Variants in TIMM23 observed in about 807,000 individuals in gnomAD.
TIMM23 encodes the protein mitochondrial import inner membrane translocase subunit Tim23.
TIMM23 carries 19 observed loss-of-function variants against 30.7 expected under a neutral mutation model. That is an observed-to-expected ratio of 0.62 (90% CI 0.43 to 0.91). The LOEUF (loss-of-function observed/expected upper bound fraction) is 0.91. TIMM23 is among the 40% of genes least tolerant of loss of function. The pLI is 0.00. For synonymous variants in TIMM23, 78 were observed against 98.5 expected (o/e 0.79, Z 1.23); for missense variants, 202 against 269.2 (o/e 0.75, Z 1.75).
At chr10:45,998,373 T>C (rs1003449167) in intron 6 of TIMM23, 14 of 985,178 alleles carry the variant, frequency 1.4e-5, no homozygotes, top group Non-Finnish European at 1.4e-5. Flanking sequence ...AAGAACTACA[T>C]AAGGATCCCA....
chr10:45,979,802 T>C (rs1422198888), intron 2 of TIMM23, among the ~76,000 whole-genome samples: 1 of 152,120 alleles, frequency 6.6e-6, no homozygotes, highest in Admixed American at 6.6e-5. Context: ...TGTTATATTT[T>C]AACATTGGGT....
chr10:45,985,271 A>G, intron 4 of TIMM23, 112 bp from the exon 5 acceptor site: 1 of 1,139,164 alleles, frequency 8.8e-7, no homozygotes, highest in Non-Finnish European at 1.3e-6. Flanking sequence ...TTTAGAATTT[A>G]AAAAACTTTG....
chr10:45,992,491 T>C, intron 6 of TIMM23: 1 of 455,834 alleles, frequency 2.2e-6, no homozygotes, highest in Non-Finnish European at 4.4e-6. Flanking sequence ...TTAGAAGTTT[T>C]ATAAACACTT....
intron 2 of TIMM23, among the ~76,000 whole-genome samples, chr10:45,978,922 G>A (rs1337611057): frequency 6.6e-6 from 1 of 151,960 alleles, no homozygotes; most frequent in Non-Finnish European, 1.5e-5. Context: ...AAAAAAGTGT[G>A]GCATATCCAT....
At chr10:45,975,910 T>G (rs1240411935) in intron 2 of TIMM23, among the ~76,000 whole-genome samples, 11 of 152,160 alleles carry the variant, frequency 7.2e-5, no homozygotes, top group Non-Finnish European at 1.3e-4. Context: ...CAGGCCATCC[T>G]CCTGCCTCAG....
intron 4 of TIMM23, chr10:45,984,787 G>C: frequency 3.1e-6 from 1 of 320,992 alleles, no homozygotes; most frequent in Non-Finnish European, 6.1e-6. Context: ...TTGGCTGCTT[G>C]GTTCTAGTCT....
At chr10:45,976,659 T>G (rs1554913185) in intron 2 of TIMM23, among the ~76,000 whole-genome samples, 2 of 152,032 alleles carry the variant, frequency 1.3e-5, no homozygotes, top group Admixed American at 6.6e-5. Context: ...GCCTGTTAAA[T>G]GCCATCTACA....
chr10:45,977,967 G>T (rs1837724409), intron 2 of TIMM23, among the ~76,000 whole-genome samples: 1 of 151,958 alleles, frequency 6.6e-6, no homozygotes, highest in South Asian at 2.1e-4. Context: ...GGAGGCAGAG[G>T]TTGCGGTGAG....
At chr10:45,972,927 T>C (rs1837539222) in intron 1 of TIMM23, among the ~76,000 whole-genome samples, 197 bp downstream of exon 1, 1 of 152,076 alleles carries the variant, frequency 6.6e-6, no homozygotes, top group East Asian at 1.9e-4. Flanking sequence ...ACGGATCTCC[T>C]GGGGAAGCTG....
intron 4 of TIMM23, among the ~76,000 whole-genome samples, chr10:45,983,540 A>G (rs1248623919): frequency 4.6e-5 from 7 of 152,202 alleles, no homozygotes; most frequent in Admixed American, 2.0e-4. Flanking sequence ...AAACATGGCC[A>G]GTCCCTCTTG....
At chr10:45,998,318 C>G (rs1838410119) in intron 6 of TIMM23, 1 of 957,728 alleles carries the variant, frequency 1.0e-6, no homozygotes. Flanking sequence ...TTCTGGGCCT[C>G]ATTTTCTCAT....
chr10:45,992,298 C>T (rs1838189149), intron 6 of TIMM23: 1 of 448,062 alleles, frequency 2.2e-6, no homozygotes, highest in African/African-American at 2.0e-5. Context: ...AGTACTGTGT[C>T]CTTTTAGGAG....
rs1191362991 is a variant in TIMM23, at chr10:46,003,647, C to G, written c.*329C>G. ...GTCGTGCTTGTTAGTACTATATCAC[C>G]AAGTCCATTCATTTAATGATCCAAA... On this transcript the variant is annotated 3_prime_UTR_variant, in exon 7 of 7. Coordinates refer to ENST00000580018, the MANE Select transcript of TIMM23 (RefSeq NM_006327.4). The G allele has an allele frequency of 5.1e-6, 1 of 194,374 alleles. No individual in the cohort carries two copies. Among genetic ancestry groups the G allele is most frequent in the East Asian group, 1.4e-4 (1 of 7,318 alleles). 12.0% of individuals were successfully genotyped at this position (194,374 alleles called of 1,614,324 possible).
chr10:45,991,003 A>G (rs1317339981), intron 6 of TIMM23, among the ~76,000 whole-genome samples: 1 of 152,226 alleles, frequency 6.6e-6, no homozygotes, highest in African/African-American at 2.4e-5. Flanking sequence ...ATGCTCACAC[A>G]GCTCTGTCAC....
At chr10:45,976,178 A>G (rs1451734244) in intron 2 of TIMM23, among the ~76,000 whole-genome samples, 1 of 152,156 alleles carries the variant, frequency 6.6e-6, no homozygotes, top group Non-Finnish European at 1.5e-5. Context: ...TTGATTTAAC[A>G]TCTGAAAATT....
intron 2 of TIMM23, among the ~76,000 whole-genome samples, chr10:45,978,306 C>T (rs1837739397): frequency 6.6e-6 from 1 of 152,096 alleles, no homozygotes; most frequent in Admixed American, 6.6e-5. Context: ...ATAATCAAAC[C>T]ACTTAACTCC....
chr10:45,992,427 T>C, intron 6 of TIMM23: 1 of 456,068 alleles, frequency 2.2e-6, no homozygotes, highest in South Asian at 1.5e-5. Flanking sequence ...AAACCCTGCA[T>C]TAACATCTCA....
intron 2 of TIMM23, among the ~76,000 whole-genome samples, chr10:45,981,919 T>G (rs1837858965): frequency 6.6e-6 from 1 of 152,186 alleles, no homozygotes; most frequent in Non-Finnish European, 1.5e-5. Context: ...TTTCTCAGTC[T>G]TAGTATTTTG....
intron 2 of TIMM23, among the ~76,000 whole-genome samples, chr10:45,976,322 C>CTAG (rs1554913093): frequency 0.022 from 3,237 of 149,738 alleles, 76 homozygotes; most frequent in African/African-American, 0.074. Context: ...ATTATAAAAA[C>CTAG]AAACTAGGCT....
Sources: gnomAD v4.1 joint callset for allele counts (sites outside exome capture counted in the v4.1 genomes callset) on GRCh38, gnomAD v4.1.1 for gene constraint, MANE v1.5 for transcripts, NCBI Gene and HGNC (gene_info 2026-07-23, HGNC 2026-07-21) for gene names.